The following ELMO1 variants were observed in gnomAD, a reference collection of about 807,000 sequenced individuals.
ELMO1 encodes engulfment and cell motility 1.
Under a neutral mutation model 98.9 loss-of-function variants are expected in ELMO1, and 26 were observed. The ratio of observed to expected loss-of-function variants is 0.26; its 90% CI spans 0.19 to 0.36. The LOEUF (loss-of-function observed/expected upper bound fraction) is 0.36, where lower values mean the gene tolerates loss of function less well. Ranked by LOEUF, ELMO1 falls within the 10% of genes least tolerant of loss-of-function variation. The pLI is 1.00. For synonymous variants in ELMO1, 346 were observed against 346.0 expected (o/e 1.00, Z 0.00); for missense variants, 627 against 935.2 (o/e 0.67, Z 4.30).
At chr7:37,439,016 C>A (rs575263853) in intron 1 of ELMO1, among the ~76,000 whole-genome samples, 1 of 152,224 alleles carries the variant, frequency 6.6e-6, no homozygotes, top group East Asian at 1.9e-4. Flanking sequence ...CGCTGGAAGG[C>A]GGGGGCTGGA....
At chr7:37,112,795 A>G (rs1437477644) in intron 14 of ELMO1, among the ~76,000 whole-genome samples, 1 of 152,232 alleles carries the variant, frequency 6.6e-6, no homozygotes, top group Admixed American at 6.5e-5. Context: ...TTATCTGACA[A>G]TGTCAACCAC....
At chr7:37,190,984 T>C (rs529234332) in intron 13 of ELMO1, among the ~76,000 whole-genome samples, 2 of 151,222 alleles carry the variant, frequency 1.3e-5, no homozygotes, top group East Asian at 3.9e-4. Flanking sequence ...GTCAAGGAGA[T>C]AGAGACCATC....
At position 37,213,325 on chromosome 7, in the gene ELMO1, G is replaced by A. The variant is rs924505696; in HGVS notation, c.954+10C>T. The A allele has an allele frequency of 4.8e-5, 78 of 1,611,558 alleles. No homozygotes were observed. The highest frequency in any genetic ancestry group is 6.4e-5 in the Non-Finnish European group (76 of 1,179,010). ...TCCTGTGCTTTGACTGCTGTCCAAT[G>A]AGCACTCACCTGGTCCTGGGGGTCC... On this transcript the variant is annotated intron_variant, in intron 12 of 21. Coordinates refer to ENST00000310758, the MANE Select transcript of ELMO1 (RefSeq NM_014800.11).
intron 4 of ELMO1, among the ~76,000 whole-genome samples, chr7:37,307,889 A>G (rs1290108170): frequency 6.6e-6 from 1 of 152,170 alleles, no homozygotes; most frequent in African/African-American, 2.4e-5. Flanking sequence ...AGGCGGGCAG[A>G]TTACCTGAGG....
At chr7:37,012,081 T>C (rs1476741926) in intron 16 of ELMO1, among the ~76,000 whole-genome samples, 14 of 152,154 alleles carry the variant, frequency 9.2e-5, no homozygotes, top group Admixed American at 9.2e-4. Context: ...GGGGTCTATT[T>C]CAAGGAATTC....
intron 1 of ELMO1, among the ~76,000 whole-genome samples, chr7:37,424,366 G>A (rs1452045392): frequency 6.6e-6 from 1 of 152,102 alleles, no homozygotes; most frequent in East Asian, 1.9e-4. Context: ...ATCCTTCCAT[G>A]AGTCCTTCTC....
chr7:37,330,974 C>T (rs1047529709), intron 2 of ELMO1, among the ~76,000 whole-genome samples: 4 of 152,106 alleles, frequency 2.6e-5, no homozygotes, highest in South Asian at 4.1e-4. Context: ...GTGTCTATAG[C>T]GTGCATATGC....
chr7:37,098,851 C>T (rs1784494104), intron 14 of ELMO1, among the ~76,000 whole-genome samples: 1 of 152,168 alleles, frequency 6.6e-6, no homozygotes, highest in East Asian at 1.9e-4. Flanking sequence ...AAAAAAGAAA[C>T]AGAGCCAGAA....
intron 1 of ELMO1, among the ~76,000 whole-genome samples, chr7:37,433,642 T>C (rs2131570481): frequency 6.6e-6 from 1 of 152,250 alleles, no homozygotes; most frequent in Middle Eastern, 3.4e-3. Context: ...GGAAGAAACA[T>C]GAGCCCACCT....
At chr7:37,103,700 T>G (rs1361485551) in intron 14 of ELMO1, among the ~76,000 whole-genome samples, 2 of 150,924 alleles carry the variant, frequency 1.3e-5, no homozygotes, top group Non-Finnish European at 3.0e-5. Context: ...ATAAAAAAAA[T>G]AAAAGAGCAG....
At chr7:37,285,913 G>A (rs1015562103) in intron 4 of ELMO1, among the ~76,000 whole-genome samples, 1 of 151,960 alleles carries the variant, frequency 6.6e-6, no homozygotes, top group Non-Finnish European at 1.5e-5. Context: ...TCAATCAAAC[G>A]ACATGTGCAA....
At chr7:37,229,503 G>A (rs771722246) in intron 8 of ELMO1, among the ~76,000 whole-genome samples, 1 of 151,694 alleles carries the variant, frequency 6.6e-6, no homozygotes, top group Non-Finnish European at 1.5e-5. Context: ...GGCTGGCAGG[G>A]AAAAAAAATA....
chr7:37,085,635 T>A (rs1192882787), intron 15 of ELMO1, among the ~76,000 whole-genome samples: 4 of 152,116 alleles, frequency 2.6e-5, no homozygotes, highest in Admixed American at 1.3e-4. Flanking sequence ...GAACAGTGAT[T>A]ACTGCTTTGG....
Position 37,369,922 on chromosome 7 carries a change from T to C in ELMO1, c.-73-27159A>G, listed in dbSNP as rs913221402. Among the ~76,000 whole-genome samples the C allele has an allele frequency of 3.3e-5, 5 of 152,294 alleles. No homozygotes were observed. In the South Asian group the frequency reaches 1.0e-3, roughly 32 times the overall value. ...GTCTCCCTACTCCTTCTGATCCTCCTTACTATTCGAAGCACCAGGACTGGC... is the reference window on the plus strand; with the variant it reads ...GTCTCCCTACTCCTTCTGATCCTCCCTACTATTCGAAGCACCAGGACTGGC... On this transcript the variant is annotated intron_variant, in intron 1 of 21. Transcript: ENST00000310758.
At chr7:37,303,668 C>A (rs567630867) in intron 4 of ELMO1, among the ~76,000 whole-genome samples, 77 of 152,244 alleles carry the variant, frequency 5.1e-4, no homozygotes, top group African/African-American at 1.7e-3. Flanking sequence ...TAAAGAAGTG[C>A]CTGTTTGGAG....
intron 5 of ELMO1, among the ~76,000 whole-genome samples, chr7:37,262,592 A>C (rs1040177871): frequency 1.3e-5 from 2 of 152,178 alleles, no homozygotes; most frequent in East Asian, 3.9e-4. Flanking sequence ...ACCCGTATCT[A>C]AGGAGACAAC....
At chr7:37,314,276 G>A (rs1406315035) in intron 4 of ELMO1, among the ~76,000 whole-genome samples, 1 of 152,112 alleles carries the variant, frequency 6.6e-6, no homozygotes, top group Admixed American at 6.5e-5. Flanking sequence ...AAATTCCAGT[G>A]TGCCCTTCCT....
At chr7:37,031,360 A>T (rs1259867637) in intron 15 of ELMO1, among the ~76,000 whole-genome samples, 1 of 152,230 alleles carries the variant, frequency 6.6e-6, no homozygotes, top group East Asian at 1.9e-4. Flanking sequence ...AAGGGAAAAG[A>T]AGAAAATTTT....
chr7:37,214,823 C>A (rs1004730253), intron 11 of ELMO1, among the ~76,000 whole-genome samples: 1 of 152,158 alleles, frequency 6.6e-6, no homozygotes, highest in Non-Finnish European at 1.5e-5. Context: ...CAGGAGAGTA[C>A]CAACCTCGAA....
Sources: allele counts gnomAD v4.1 joint callset (sites outside exome capture counted in the v4.1 genomes callset), GRCh38; gene constraint gnomAD v4.1.1; transcripts MANE v1.5; gene names NCBI Gene and HGNC (gene_info 2026-07-23, HGNC 2026-07-21).